The following ACSL4 variants were observed in gnomAD, a reference collection of about 807,000 sequenced individuals.
ACSL4 encodes acyl-CoA synthetase long chain family member 4, also known as long-chain-fatty-acid--CoA ligase 4.
Under a neutral mutation model 49.1 loss-of-function variants are expected in ACSL4, and 9 were observed. That is an observed-to-expected ratio of 0.18 (90% confidence interval 0.11 to 0.32). ACSL4 has a LOEUF of 0.32. Among genes scored for constraint, ACSL4 ranks in the 10% least tolerant of loss-of-function variants. ACSL4 has a pLI of 1.00. For missense variants in ACSL4, 333 were observed against 493.7 expected, an observed-to-expected ratio of 0.67 and a Z score of 3.08; for synonymous variants, 191 against 170.3, an observed-to-expected ratio of 1.12 and a Z score of -0.95.
At chrX:109,719,321 T>C (rs1436020830) in intron 1 of ACSL4, among the ~76,000 whole-genome samples, 1 of 110,893 alleles carries the variant, frequency 9.0e-6, no homozygotes, top group African/African-American at 3.3e-5. Context: ...CACTAGAATG[T>C]TCTCCAAAGT....
rs775367494 is a variant in ACSL4, at chrX:109,708,456, G to A, written c.-65-12260C>T. Among the ~76,000 whole-genome samples the A allele has an allele frequency of 2.7e-5, 3 of 112,258 alleles. No homozygotes were observed. The East Asian group carries it at 8.3e-4, about 31-fold the overall frequency. ...AAGTGGCAAAGTAATACTGTAAAAG[G>A]AGCTAAAAGTTGGCTTTATTTGTAC... On this transcript the variant is annotated intron_variant, in intron 1 of 15. Transcript: ENST00000672401.
intron 2 of ACSL4, among the ~76,000 whole-genome samples, chrX:109,691,235 A>G (rs1925018724): frequency 8.9e-6 from 1 of 112,377 alleles, no homozygotes; most frequent in Non-Finnish European, 1.9e-5. Flanking sequence ...AATTAACTAT[A>G]TAAGTGCTAC....
chrX:109,671,673 G>T (rs918470935), intron 9 of ACSL4, among the ~76,000 whole-genome samples: 1 of 112,565 alleles, frequency 8.9e-6, no homozygotes, highest in Admixed American at 9.3e-5. Flanking sequence ...AGATCAGATT[G>T]TTTCTGTGTC....
chrX:109,646,043 G>C (rs1239045854), intron 15 of ACSL4, among the ~76,000 whole-genome samples: 5 of 112,131 alleles, frequency 4.5e-5, no homozygotes, highest in South Asian at 3.7e-4. Flanking sequence ...ATCTACATCT[G>C]ATTGGTGTAC....
intron 1 of ACSL4, among the ~76,000 whole-genome samples, chrX:109,730,897 A>T (rs1348519340): frequency 9.0e-6 from 1 of 111,260 alleles, no homozygotes; most frequent in East Asian, 2.8e-4. Flanking sequence ...CGATCTCCTG[A>T]CCTCATGATC....
intron 15 of ACSL4, among the ~76,000 whole-genome samples, chrX:109,644,784 A>T (rs1401294489): frequency 2.7e-5 from 3 of 112,905 alleles, no homozygotes; most frequent in African/African-American, 9.6e-5. Context: ...TCATCTCACT[A>T]GGGAGTGCCA....
chrX:109,718,751 GAA>G (rs1228132229), intron 1 of ACSL4, among the ~76,000 whole-genome samples: 5 of 48,057 alleles, frequency 1.0e-4, no homozygotes, highest in East Asian at 1.7e-3. Flanking sequence ...CCTGTCTCAA[GAA>G]AAAAAAAAAA....
chrX:109,708,367 C>T (rs1384056766), intron 1 of ACSL4, among the ~76,000 whole-genome samples: 1 of 112,164 alleles, frequency 8.9e-6, no homozygotes, highest in Non-Finnish European at 1.9e-5. Context: ...TCAATTAATT[C>T]TAATGTGTGT....
At chrX:109,698,530 T>C (rs1402287661) in intron 1 of ACSL4, among the ~76,000 whole-genome samples, 1 of 111,673 alleles carries the variant, frequency 9.0e-6, no homozygotes, top group African/African-American at 3.3e-5. Context: ...TTTTCTAATA[T>C]AAGAAAGTTA....
chrX:109,686,047 T>C (rs180696323), intron 2 of ACSL4, among the ~76,000 whole-genome samples: 1 of 111,842 alleles, frequency 8.9e-6, no homozygotes, highest in African/African-American at 3.2e-5. Flanking sequence ...CATTCATTTC[T>C]TCAAGATAAG....
intron 1 of ACSL4, among the ~76,000 whole-genome samples, chrX:109,712,313 G>A (rs1926807101): frequency 9.0e-6 from 1 of 111,395 alleles, no homozygotes. Context: ...TGCCCAGGCT[G>A]GTCTCAAAAC....
chrX:109,727,687 G>A (rs894305315), intron 1 of ACSL4, among the ~76,000 whole-genome samples: 1 of 51,707 alleles, frequency 1.9e-5, no homozygotes, highest in African/African-American at 4.9e-5. Context: ...GTGTGTGTGT[G>A]TGTGTGTGTG....
At chrX:109,704,361 AAGAC>A (rs1926190556) in intron 1 of ACSL4, among the ~76,000 whole-genome samples, 2 of 112,009 alleles carry the variant, frequency 1.8e-5, no homozygotes, top group Admixed American at 1.9e-4. Context: ...TCTAAACTCA[AAGAC>A]AGAGTCTAGT....
Position 109,678,350 on chromosome X carries a change from T to C in ACSL4, c.721A>G (p.Thr241Ala). The change falls in exon 7 of 16, where the codon ACT becomes GCT. Residue 241 changes from threonine to alanine, a missense_variant. This residue lies in a region of ACSL4 where 157 missense variants were observed against 201.1 expected (regional missense o/e 0.78). Coordinates refer to ENST00000672401, the MANE Select transcript of ACSL4 (RefSeq NM_001318510.2). ...ATCATCACTCCCTTAGGTCGGCCAG[T>C]AGAACCACTAGTATACATAACAATG... The part of the protein sequence containing the change: ...MAIVMYTSGS[T>A]GRPKGVMMHH... The C allele has an allele frequency of 8.3e-7, 1 of 1,211,777 alleles. No individual in the cohort carries two copies. The highest frequency in any genetic ancestry group is 1.1e-6 in the Non-Finnish European group (1 of 895,441).
At position 109,669,750 on chromosome X, in the gene ACSL4, C is replaced by T. The variant is rs187558157; in HGVS notation, c.1003-577G>A. On this transcript the variant is annotated intron_variant, in intron 9 of 15. Transcript: ENST00000672401. The stretch of plus-strand genomic sequence containing the variant: ...GAGTTTAGAGAATTCACTCAGCTGT[C>T]GCAGAAAAAAAAATTAATCTCTGTT... 4.2e-4 allele frequency among the ~76,000 whole-genome samples: 47 copies of T among 111,684 alleles called. No homozygotes were observed. In the East Asian group the frequency reaches 0.012, roughly 28 times the overall value.
intron 10 of ACSL4, 42 bp downstream of exon 10, chrX:109,668,992 A>C (rs1922924980): frequency 1.7e-6 from 2 of 1,150,005 alleles, no homozygotes; most frequent in African/African-American, 3.6e-5. Flanking sequence ...AGCATAAAAA[A>C]ATTTAAAGGC....
intron 1 of ACSL4, among the ~76,000 whole-genome samples, chrX:109,704,615 T>C (rs1162465394): frequency 8.9e-6 from 1 of 111,774 alleles, no homozygotes; most frequent in Non-Finnish European, 1.9e-5. Context: ...GAAACACTTC[T>C]CTTGGGCAAA....
chrX:109,701,983 G>A (rs1201813323), intron 1 of ACSL4, among the ~76,000 whole-genome samples: 2 of 105,013 alleles, frequency 1.9e-5, no homozygotes, highest in Admixed American at 2.0e-4. Context: ...GCCGAGGTGG[G>A]TGGATCACCT....
chrX:109,671,299 T>C (rs1340286738), intron 9 of ACSL4, among the ~76,000 whole-genome samples: 2 of 102,438 alleles, frequency 2.0e-5, no homozygotes, highest in Admixed American at 2.0e-4. Flanking sequence ...AACTGAGGAG[T>C]GTCTCTGCCC....
Sources: allele counts gnomAD v4.1 joint callset (sites outside exome capture counted in the v4.1 genomes callset), GRCh38; gene constraint gnomAD v4.1.1; regional missense constraint gnomAD v4.1.1; transcripts MANE v1.5; gene names NCBI Gene and HGNC (gene_info 2026-07-23, HGNC 2026-07-21).